Variants in ATP13A3 observed in about 807,000 individuals in gnomAD.
The protein encoded by ATP13A3 is ATPase 13A3.
In ATP13A3, 59 loss-of-function variants were observed where a neutral mutation model predicts 158.1. The observed-to-expected ratio is 0.37, with a 90% CI of 0.30 to 0.46. The LOEUF (loss-of-function observed/expected upper bound fraction) is 0.46. Among genes scored for constraint, ATP13A3 ranks in the 20% least tolerant of loss-of-function variants. ATP13A3 has a pLI of 1.00. For missense variants in ATP13A3, 1,166 were observed against 1,525.2 expected (o/e 0.76, Z 3.92); for synonymous variants, 491 against 504.3 (o/e 0.97, Z 0.35).
At position 194,454,746 on chromosome 3, in the gene ATP13A3, T is replaced by G. The variant is rs535294568; in HGVS notation, c.631-354A>C. Among the ~76,000 whole-genome samples, 293 of 151,928 alleles carry G rather than the reference T, an allele frequency of 1.9e-3. 1 individual carries two copies. Among genetic ancestry groups the G allele is most frequent in the South Asian group, 4.8e-3 (23 of 4,826 alleles). ...CAGGAGGCCGAAGCAGGAGAATGGCTTGAACCCGGGAGGCAGAGCTTGCAG... is the reference window on the plus strand; with the variant it reads ...CAGGAGGCCGAAGCAGGAGAATGGCGTGAACCCGGGAGGCAGAGCTTGCAG... On this transcript the variant is annotated intron_variant, in intron 8 of 33. Transcript: ENST00000645319.
At chr3:194,491,276 T>A (rs562332405), upstream of ATP13A3, among the ~76,000 whole-genome samples, 12 of 152,224 alleles carry the variant, frequency 7.9e-5, no homozygotes, top group African/African-American at 2.9e-4. Flanking sequence ...AACTCTTGCC[T>A]TTCTTCCCCA....
intron 31 of ATP13A3, among the ~76,000 whole-genome samples, chr3:194,419,601 A>C (rs758990350): frequency 6.6e-6 from 1 of 152,184 alleles, no homozygotes; most frequent in Non-Finnish European, 1.5e-5. Flanking sequence ...TAGAGAAGAG[A>C]GGAGTAACAG....
intron 8 of ATP13A3, among the ~76,000 whole-genome samples, chr3:194,455,409 A>G (rs1241835731): frequency 6.6e-6 from 1 of 152,160 alleles, no homozygotes; most frequent in Non-Finnish European, 1.5e-5. Context: ...GAAAAAACTT[A>G]TTCCAAGTTT....
intron 31 of ATP13A3, among the ~76,000 whole-genome samples, chr3:194,415,535 A>G (rs1715771925): frequency 6.6e-6 from 1 of 152,234 alleles, no homozygotes; most frequent in Non-Finnish European, 1.5e-5. Flanking sequence ...AAGTTCAATA[A>G]TGCAGAATTT....
rs1456441629 is a variant in ATP13A3, at chr3:194,403,058, T to C, written c.*2861A>G. ...ATATACAAAAACCTATTTTTAGATA[T>C]GTCAAAATTGCATGCATGAATATTT... is the stretch of plus-strand genomic sequence containing the variant. On this transcript the variant is annotated 3_prime_UTR_variant, in exon 34 of 34. Transcript: ENST00000645319. 1 of 152,228 alleles carries C rather than the reference T, an allele frequency of 6.6e-6. No homozygotes were observed. Among genetic ancestry groups the C allele is most frequent in the Non-Finnish European group, 1.5e-5 (1 of 68,046 alleles). 9.4% of individuals were successfully genotyped at this position (152,228 alleles called of 1,614,324 possible).
chr3:194,453,254 G>A (rs1560100495), intron 10 of ATP13A3, among the ~76,000 whole-genome samples: 1 of 142,720 alleles, frequency 7.0e-6, no homozygotes. Flanking sequence ...ACTCAGGCCT[G>A]TGCAACAGTG....
At position 194,454,339 on chromosome 3, in the gene ATP13A3, A is replaced by G. The variant is rs1429180276; in HGVS notation, c.684T>C (p.Thr228=). ...CTAGAGCATAGTAATAGTATTCATC[A>G]GTGCTCCACAGTATAACACTGAACA... ...FQLFSVILWS[T]DEYYYYALAI... Residue 228 remains threonine (T), a synonymous_variant, in exon 9 of 34, where the codon ACT becomes ACC. Transcript: ENST00000645319. The G allele has an allele frequency of 1.2e-6, 2 of 1,609,410 alleles. No homozygotes were observed. The highest frequency in any genetic ancestry group is 2.2e-5 in the East Asian group (1 of 44,850).
chr3:194,419,664 T>C (rs1272210175), intron 31 of ATP13A3: 1 of 588,906 alleles, frequency 1.7e-6, no homozygotes, highest in East Asian at 1.4e-4. Context: ...CTATTTAATT[T>C]GTTTGCAGAC....
At chr3:194,415,257 T>C (rs2108743557) in intron 31 of ATP13A3, among the ~76,000 whole-genome samples, 1 of 152,160 alleles carries the variant, frequency 6.6e-6, no homozygotes, top group African/African-American at 2.4e-5. Flanking sequence ...ACTTAACAAG[T>C]AAGAGGCTAA....
rs558576261 is a variant in ATP13A3, at chr3:194,430,426, C to T, written c.2625-111G>A. On this transcript the variant is annotated intron_variant, in intron 24 of 33. Transcript: ENST00000645319. ...TATAAAGAGCTAACACACCAAGATT[C>T]CCCCAGTGGAACTATGAATCTTTTC... 52 of 1,176,968 alleles carry T rather than the reference C, an allele frequency of 4.4e-5. No individual in the cohort carries two copies. In the South Asian group the frequency reaches 6.1e-4, roughly 14 times the overall value. 72.9% of individuals were successfully genotyped at this position (1,176,968 alleles called of 1,614,324 possible). A position where few individuals can be genotyped will look rare whatever the true frequency, so the allele number is the denominator to read the frequency against.
At chr3:194,441,184 A>G in intron 16 of ATP13A3, 127 bp downstream of exon 16, 1 of 723,468 alleles carries the variant, frequency 1.4e-6, no homozygotes, top group Non-Finnish European at 2.2e-6. Flanking sequence ...GAAATTACAT[A>G]GCTCCTTTTA....
intron 2 of ATP13A3, among the ~76,000 whole-genome samples, chr3:194,478,003 A>G (rs957843767): frequency 4.6e-5 from 7 of 152,158 alleles, no homozygotes; most frequent in African/African-American, 1.7e-4. Flanking sequence ...CAGTGTCTTC[A>G]CTCTAGCCAA....
intron 30 of ATP13A3, among the ~76,000 whole-genome samples, chr3:194,422,312 C>T (rs1451223403): frequency 6.6e-6 from 1 of 152,192 alleles, no homozygotes; most frequent in Admixed American, 6.5e-5. Flanking sequence ...CTCCTAGATT[C>T]TCCTAGCATT....
intron 25 of ATP13A3, 44 bp from the exon 26 acceptor site, chr3:194,430,225 T>A: frequency 1.9e-6 from 3 of 1,613,368 alleles, no homozygotes; most frequent in Non-Finnish European, 2.5e-6. Flanking sequence ...GAATATGATT[T>A]AGGCTAGAGT....
rs576970661 is a variant in ATP13A3, at chr3:194,411,122, A to G, written c.3573+1077T>C. Among the ~76,000 whole-genome samples, 4 of 152,162 alleles carry G rather than the reference A, an allele frequency of 2.6e-5. No individual in the cohort carries two copies. In the East Asian group the frequency reaches 5.8e-4, roughly 22 times the overall value. On this transcript the variant is annotated intron_variant, in intron 33 of 33. Transcript: ENST00000645319. ...ATCATTATTCACCATAAAGCATTAG[A>G]AAACGGAAATGGTACTCTGCAGGCC...
upstream of ATP13A3, among the ~76,000 whole-genome samples, chr3:194,491,417 C>G (rs1424358121): frequency 1.3e-5 from 2 of 152,108 alleles, no homozygotes; most frequent in Non-Finnish European, 2.9e-5. Flanking sequence ...AATCCAACAC[C>G]AAGTCCATTT....
intron 31 of ATP13A3, among the ~76,000 whole-genome samples, chr3:194,417,396 G>GACACACACAC (rs56119734): frequency 0.033 from 3,876 of 118,064 alleles, 138 homozygotes; most frequent in East Asian, 0.046. Context: ...GCCAGATTCT[G>GACACACACAC]ACACACACAC....
chr3:194,459,623 AT>A, intron 5 of ATP13A3, 82 bp from the exon 6 acceptor site: 1 of 1,156,072 alleles, frequency 8.6e-7, no homozygotes, highest in Non-Finnish European at 1.3e-6. Flanking sequence ...TAACAGCTAT[AT>A]ATAGGATTAT....
At chr3:194,470,334 T>C (rs1020561487) in intron 2 of ATP13A3, among the ~76,000 whole-genome samples, 2 of 152,212 alleles carry the variant, frequency 1.3e-5, no homozygotes, top group Non-Finnish European at 2.9e-5. Context: ...AAATAAGCTA[T>C]AATTAGGAAA....
Sources: allele counts gnomAD v4.1 joint callset (sites outside exome capture counted in the v4.1 genomes callset), GRCh38; gene constraint gnomAD v4.1.1; transcripts MANE v1.5; gene names NCBI Gene and HGNC (gene_info 2026-07-23, HGNC 2026-07-21).